SLC39A5: variants seen among roughly 807,000 people sequenced by gnomAD.
SLC39A5 encodes the protein solute carrier family 39 member 5.
A neutral mutation model predicts 46.9 loss-of-function variants in SLC39A5; 42 were observed. That is an observed-to-expected ratio of 0.90 (90% confidence interval 0.70 to 1.16). The LOEUF (loss-of-function observed/expected upper bound fraction) is 1.16, where lower values mean the gene tolerates loss of function less well. SLC39A5 is among the 50% of genes most tolerant of loss of function. SLC39A5 has a pLI of 0.00. For synonymous variants in SLC39A5, 311 were observed against 323.1 expected (o/e 0.96, Z 0.40); for missense variants, 677 against 686.8 (o/e 0.99, Z 0.16).
At position 56,237,585 on chromosome 12, in the gene SLC39A5, C is replaced by T. The variant is rs765582947; in HGVS notation, c.1480-3C>T. On this transcript the variant is annotated splice_polypyrimidine_tract_variant and splice_region_variant and intron_variant, in intron 12 of 12. Transcript: ENST00000454355. ...GAATCCTGACATCCTCTTTTTCTTTCAGCTACCAGCCCTGCTTCGTCCTCC... is the reference window on the plus strand; with the variant it reads ...GAATCCTGACATCCTCTTTTTCTTTTAGCTACCAGCCCTGCTTCGTCCTCC... The T allele has an allele frequency of 1.2e-6, 2 of 1,613,748 alleles. No homozygotes were observed. Among genetic ancestry groups the T allele is most frequent in the Non-Finnish European group, 1.7e-6 (2 of 1,179,900 alleles).
Position 56,235,509 on chromosome 12 carries a change from G to A in SLC39A5, c.805-51G>A, listed in dbSNP as rs75584967. 661 of 1,583,582 alleles carry A rather than the reference G, an allele frequency of 4.2e-4. 1 individual carries two copies. Among genetic ancestry groups the A allele is most frequent in the Middle Eastern group, 1.2e-3 (7 of 5,850 alleles). ...CTTGCCACAATCCATGCAAGGGGAT[G>A]TTGTTGGGTATAGGGGCTTCCAGAG... On this transcript the variant is annotated intron_variant, in intron 7 of 12. Coordinates refer to ENST00000454355, the MANE Select transcript of SLC39A5 (RefSeq NM_173596.3).
intron 4 of SLC39A5, 93 bp from the exon 5 acceptor site, chr12:56,232,596 G>A (rs1332770013): frequency 2.9e-4 from 341 of 1,159,970 alleles, no homozygotes; most frequent in Admixed American, 2.9e-5. Context: ...TCAGTGGCTA[G>A]TCCCCCCATT....
At chr12:56,232,607 C>A in intron 4 of SLC39A5, 82 bp from the exon 5 acceptor site, 1 of 1,288,102 alleles carries the variant, frequency 7.8e-7, no homozygotes, top group Non-Finnish European at 1.0e-6. Context: ...TCCCCCCATT[C>A]CCCCTAAAAT....
chr12:56,230,455 A>G (rs1870100306), intron 2 of SLC39A5, 160 bp downstream of exon 2: 1 of 152,124 alleles, frequency 6.6e-6, no homozygotes, highest in South Asian at 2.1e-4. Context: ...GCTAGACTGT[A>G]AGGTAGGTGG....
At position 56,235,608 on chromosome 12, in the gene SLC39A5, C is replaced by T. The variant is rs1870666391; in HGVS notation, c.853C>T (p.Leu285=). The part of the protein sequence containing the change: ...AGPGGLPEKD[L]GPGLSVLGGL... ...ACCTGGCGGACTACCAGAGAAGGACCTGGGCCCGGGGCTGTCAGTGCTCGG... is the reference window on the plus strand; with the variant it reads ...ACCTGGCGGACTACCAGAGAAGGACTTGGGCCCGGGGCTGTCAGTGCTCGG... Residue 285 remains leucine (L), a synonymous_variant, in exon 8 of 13, where the codon CTG becomes TTG. Transcript: ENST00000454355. 6.2e-7 allele frequency: 1 copy of T among 1,614,016 alleles called. No homozygotes were observed. Among genetic ancestry groups the T allele is most frequent in the Admixed American group, 1.7e-5 (1 of 59,984 alleles).
Position 56,236,961 on chromosome 12 carries a change from G to T in SLC39A5, c.1238G>T (p.Gly413Val), listed in dbSNP as rs776859931. 3 of 1,614,002 alleles carry T rather than the reference G, an allele frequency of 1.9e-6. No individual in the cohort carries two copies. Among genetic ancestry groups the T allele is most frequent in the Non-Finnish European group, 2.5e-6 (3 of 1,179,994 alleles). The change falls in exon 11 of 13, where the codon GGC (glycine) becomes GTC (valine). Residue 413 changes from glycine (G) to valine (V), a missense_variant. Physicochemically the swap from Gly to Val is moderately radical, Grantham distance 109. Transcript: ENST00000454355. ...GCCTTCTCTGATGGCTTCTCCAGCG[G>T]CCTCAGTACCACCTTAGCGGTCTTC... Reference protein sequence around the residue: ...GAAFSDGFSSGLSTTLAVFCH... With the variant: ...GAAFSDGFSSVLSTTLAVFCH...
rs1870848029 is a variant in SLC39A5 at position 56,236,955 on chromosome 12, C to T, written c.1232C>T (p.Ser411Phe). The stretch of plus-strand genomic sequence containing the variant: ...GGTGCTGCCTTCTCTGATGGCTTCT[C>T]CAGCGGCCTCAGTACCACCTTAGCG... ...AIGAAFSDGF[S>F]SGLSTTLAVF... The change falls in exon 11 of 13, where the codon TCC (serine) becomes TTC (phenylalanine). Residue 411 changes from serine to phenylalanine, a missense_variant. Ser to Phe is a radical substitution (Grantham distance 155). Transcript: ENST00000454355. The T allele has an allele frequency of 1.2e-6, 2 of 1,614,122 alleles. No individual in the cohort carries two copies. The highest frequency in any genetic ancestry group is 1.7e-6 in the Non-Finnish European group (2 of 1,179,980).
Position 56,235,548 on chromosome 12 carries a change from T to C in SLC39A5, c.805-12T>C. ...GGGCTTCCAGAGTCTGCCCTGACCT[T>C]CTCTCTGTCAGGCACAAGAAGGGCG... On this transcript the variant is annotated splice_polypyrimidine_tract_variant and intron_variant, in intron 7 of 12. Transcript: ENST00000454355. 1 of 1,612,708 alleles carries C rather than the reference T, an allele frequency of 6.2e-7. No homozygotes were observed. The highest frequency in any genetic ancestry group is 8.5e-7 in the Non-Finnish European group (1 of 1,179,616).
intron 4 of SLC39A5, among the ~76,000 whole-genome samples, 165 bp downstream of exon 4, chr12:56,231,726 T>G (rs1187459146): frequency 6.6e-6 from 1 of 152,122 alleles, no homozygotes; most frequent in Non-Finnish European, 1.5e-5. Flanking sequence ...TTCTATTGCC[T>G]TCTCTCTCTT....
chr12:56,234,906 G>A lies in SLC39A5; in HGVS notation c.554G>A (p.Cys185Tyr), dbSNP rs1295896388. The change falls in exon 6 of 13, where the codon TGC becomes TAC. Residue 185 changes from cysteine (C) to tyrosine (Y), a missense_variant. By Grantham distance (194) the Cys-to-Tyr change is radical. Transcript: ENST00000454355. ...ACCCCTCGTCAGTTTGCTCTGCTGT[G>A]CCCAGCCCTGCTTTATCAGATCGAC... ...PLTPRQFALL[C>Y]PALLYQIDSR... The A allele has an allele frequency of 2.5e-6, 4 of 1,613,734 alleles. No homozygotes were observed. In the East Asian group the frequency reaches 8.9e-5, roughly 36 times the overall value.
Position 56,235,698 on chromosome 12 carries a change from C to T in SLC39A5, c.943C>T (p.Pro315Ser), listed in dbSNP as rs529434719. 13 of 1,613,934 alleles carry T rather than the reference C, an allele frequency of 8.1e-6. No individual in the cohort carries two copies. The Admixed American group carries it at 1.8e-4, about 23-fold the overall frequency. ...LGLLRHRGLRPRCCRRKRRNL... is the reference protein window; with the variant it reads ...LGLLRHRGLRSRCCRRKRRNL... ...GCTTTTGCGGCACCGAGGGCTCAGG[C>T]CAGTGAGTGATACCCTTTTCTCCTC... Residue 315 changes from proline to serine, a missense_variant and splice_region_variant, in exon 8 of 13, where the codon CCA becomes TCA. Physicochemically the swap from Pro to Ser is moderately conservative, Grantham distance 74. Coordinates refer to ENST00000454355, the MANE Select transcript of SLC39A5 (RefSeq NM_173596.3).
Position 56,235,545 on chromosome 12 carries a change from C to T in SLC39A5, c.805-15C>T. On this transcript the variant is annotated splice_polypyrimidine_tract_variant and intron_variant, in intron 7 of 12. Transcript: ENST00000454355. ...TAGGGGCTTCCAGAGTCTGCCCTGA[C>T]CTTCTCTCTGTCAGGCACAAGAAGG... 6.2e-7 allele frequency: 1 copy of T among 1,612,784 alleles called. No individual in the cohort carries two copies. Among genetic ancestry groups the T allele is most frequent in the Non-Finnish European group, 8.5e-7 (1 of 1,179,636 alleles).
chr12:56,232,973 C>T, intron 5 of SLC39A5, 101 bp downstream of exon 5: 1 of 1,227,504 alleles, frequency 8.1e-7, no homozygotes, highest in Non-Finnish European at 1.1e-6. Flanking sequence ...TTTTAAATCC[C>T]AACGTGGACC....
intron 7 of SLC39A5, 67 bp downstream of exon 7, chr12:56,235,393 TC>T (rs1441136112): frequency 7.3e-6 from 11 of 1,504,448 alleles, no homozygotes; most frequent in Non-Finnish European, 8.8e-6. Context: ...CCATAGGACA[TC>T]CCCTCCGCCT....
rs200924913 is a variant in SLC39A5 at position 56,236,908 on chromosome 12, A to T, written c.1208-23A>T. ...AGGAGACTTTTCTTCTGGACTGACAACTTCCGACCCTGCTGGCCCCAGGTG... is the reference window on the plus strand; with the variant it reads ...AGGAGACTTTTCTTCTGGACTGACATCTTCCGACCCTGCTGGCCCCAGGTG... On this transcript the variant is annotated intron_variant, in intron 10 of 12. Coordinates refer to ENST00000454355, the MANE Select transcript of SLC39A5 (RefSeq NM_173596.3). 2.4e-3 allele frequency: 3,886 copies of T among 1,613,640 alleles called. 4 individuals are homozygous for T. The highest frequency in any genetic ancestry group is 5.1e-3 in the Admixed American group (305 of 59,972).
At chr12:56,231,872 C>T (rs1449712448) in intron 4 of SLC39A5, among the ~76,000 whole-genome samples, 1 of 152,058 alleles carries the variant, frequency 6.6e-6, no homozygotes, top group Non-Finnish European at 1.5e-5. Flanking sequence ...ACCATAGGCA[C>T]ACACCACCAC....
chr12:56,232,616 A>G lies in SLC39A5; in HGVS notation c.288-73A>G, dbSNP rs537237125. On this transcript the variant is annotated intron_variant, in intron 4 of 12. Transcript: ENST00000454355. ...GGCTAGTCCCCCCATTCCCCCTAAA[A>G]TCCCTGGGAGCCTCTCAAAGCGGGT... is the stretch of plus-strand genomic sequence containing the variant. 1.6e-5 allele frequency: 22 copies of G among 1,399,890 alleles called. No homozygotes were observed. In the South Asian group the frequency reaches 3.1e-4, roughly 20 times the overall value. The allele number at this position is 1,399,890 out of a possible 1,614,324, so 86.7% of individuals were successfully genotyped here.
chr12:56,237,243 T>G lies in SLC39A5; in HGVS notation c.1382T>G (p.Val461Gly). The G allele has an allele frequency of 6.2e-7, 1 of 1,613,794 alleles. No homozygotes were observed. Among genetic ancestry groups the G allele is most frequent in the African/African-American group, 1.3e-5 (1 of 74,968 alleles). ...VSGALGLGGA[V>G]LGVGLSLGPV... is the part of the protein sequence containing the mutation. The stretch of plus-strand genomic sequence containing the variant: ...GGAGCCCTGGGATTGGGGGGTGCAG[T>G]CCTGGGGGTGGGGCTCAGCCTGGGC... Residue 461 changes from valine (V) to glycine (G), a missense_variant, in exon 12 of 13, where the codon GTC (valine) becomes GGC (glycine). Physicochemically the swap from Val to Gly is moderately radical, Grantham distance 109 (BLOSUM62 -3). Transcript: ENST00000454355.
chr12:56,232,808 G>T lies in SLC39A5; in HGVS notation c.407G>T (p.Gly136Val). The T allele has an allele frequency of 6.2e-7, 1 of 1,613,024 alleles. No individual in the cohort carries two copies. The highest frequency in any genetic ancestry group is 1.1e-5 in the South Asian group (1 of 90,964). Residue 136 changes from glycine to valine, a missense_variant, in exon 5 of 13, where the codon GGC becomes GTC. Coordinates refer to ENST00000454355, the MANE Select transcript of SLC39A5 (RefSeq NM_173596.3). ...CTACCCCGTGGGCCAGCCCCCTCGGGCCTGGACCTCCTTCACAGGCTTCTG... is the reference window on the plus strand; with the variant it reads ...CTACCCCGTGGGCCAGCCCCCTCGGTCCTGGACCTCCTTCACAGGCTTCTG... ...PHLPRGPAPS[G>V]LDLLHRLLLL...
Sources: gnomAD v4.1 joint callset for allele counts (sites outside exome capture counted in the v4.1 genomes callset) on GRCh38, gnomAD v4.1.1 for gene constraint, MANE v1.5 for transcripts, NCBI Gene and HGNC (gene_info 2026-07-23, HGNC 2026-07-21) for gene names.